The following CRISPLD2 variants were observed in gnomAD, a reference collection of about 807,000 sequenced individuals.
The protein encoded by CRISPLD2 is cysteine rich secretory protein LCCL domain containing 2.
CRISPLD2 carries 47 observed loss-of-function variants against 71.1 expected under a neutral mutation model. The ratio of observed to expected loss-of-function variants is 0.66; its 90% confidence interval spans 0.52 to 0.84. CRISPLD2 has a LOEUF of 0.84. CRISPLD2 is among the 40% of genes least tolerant of loss of function. CRISPLD2 has a pLI of 0.00. For missense variants in CRISPLD2, 830 were observed against 651.1 expected (o/e 1.27, Z -2.99); for synonymous variants, 317 against 250.1 (o/e 1.27, Z -2.52).
At chr16:84,858,162 C>G (rs1917291331) in intron 6 of CRISPLD2, among the ~76,000 whole-genome samples, 1 of 152,308 alleles carries the variant, frequency 6.6e-6, no homozygotes, top group Admixed American at 6.5e-5. Flanking sequence ...AAACAGCATC[C>G]CTATCTGCCA....
intron 6 of CRISPLD2, among the ~76,000 whole-genome samples, chr16:84,856,607 C>T (rs1010930978): frequency 2.6e-5 from 4 of 152,124 alleles, no homozygotes; most frequent in Non-Finnish European, 4.4e-5. Flanking sequence ...AATTCCTGAA[C>T]TCGTGAATAT....
intron 6 of CRISPLD2, among the ~76,000 whole-genome samples, chr16:84,856,745 G>A (rs190315647): frequency 3.3e-4 from 50 of 152,284 alleles, no homozygotes; most frequent in Non-Finnish European, 2.5e-4. Context: ...ACTTCAAAAG[G>A]CCATTCCACT....
chr16:84,889,196 G>C (rs376804438), intron 13 of CRISPLD2, 34 bp from the exon 14 acceptor site: 1 of 1,613,388 alleles, frequency 6.2e-7, no homozygotes, highest in Non-Finnish European at 8.5e-7. Context: ...GCTGGAATCC[G>C]CATCGCTGAT....
chr16:84,883,563 G>A (rs368380944), intron 13 of CRISPLD2, among the ~76,000 whole-genome samples: 15 of 152,312 alleles, frequency 9.8e-5, no homozygotes, highest in Admixed American at 5.2e-4. Flanking sequence ...CCACCCCCGC[G>A]CCTGCCTGAG....
At chr16:84,865,953 G>A (rs1917523538) in intron 6 of CRISPLD2, among the ~76,000 whole-genome samples, 1 of 152,228 alleles carries the variant, frequency 6.6e-6, no homozygotes, top group African/African-American at 2.4e-5. Flanking sequence ...CTTTCGGATA[G>A]TTGGATAGTT....
chr16:84,869,752 C>T (rs766835406), intron 8 of CRISPLD2, among the ~76,000 whole-genome samples: 1 of 152,276 alleles, frequency 6.6e-6, no homozygotes, highest in East Asian at 1.9e-4. Flanking sequence ...GGGCCTCCGC[C>T]GTGTGCACTG....
At chr16:84,880,337 T>G (rs529989101) in intron 12 of CRISPLD2, among the ~76,000 whole-genome samples, 172 bp from the exon 13 acceptor site, 1 of 152,308 alleles carries the variant, frequency 6.6e-6, no homozygotes, top group African/African-American at 2.4e-5. Flanking sequence ...AGTAATATCT[T>G]TACCTCTGCT....
At chr16:84,856,979 G>T (rs1022906331) in intron 6 of CRISPLD2, among the ~76,000 whole-genome samples, 2 of 152,364 alleles carry the variant, frequency 1.3e-5, no homozygotes, top group East Asian at 3.9e-4. Flanking sequence ...TGTATCCAGA[G>T]TAAGCATGTG....
chr16:84,838,685 A>G lies in CRISPLD2; in HGVS notation c.190A>G (p.Asn64Asp). The G allele has an allele frequency of 6.2e-7, 1 of 1,614,148 alleles. No individual in the cohort carries two copies. Among genetic ancestry groups the G allele is most frequent in the Non-Finnish European group, 8.5e-7 (1 of 1,180,034 alleles). Residue 64 changes from asparagine to aspartate, a missense_variant, in exon 2 of 15, where the codon AAC (asparagine) becomes GAC (aspartate). Physicochemically the swap from Asn to Asp is conservative, Grantham distance 23. Transcript: ENST00000262424. ...CAAGGAGGAGATCCTCATGCTGCAC[A>G]ACAAGCTTCGGGGCCAGGTGCAGCC... ...EDKEEILMLH[N>D]KLRGQVQPQA...
intron 8 of CRISPLD2, among the ~76,000 whole-genome samples, chr16:84,869,164 C>T (rs540583150): frequency 1.3e-5 from 2 of 152,172 alleles, no homozygotes; most frequent in Non-Finnish European, 2.9e-5. Flanking sequence ...GACAGATGGG[C>T]CACCGGTATA....
In CRISPLD2 at chr16:84,889,072, C is replaced by T. The variant is rs141345289; in HGVS notation, c.1306-158C>T. Among the ~76,000 whole-genome samples the T allele has an allele frequency of 2.6e-5, 4 of 152,264 alleles. No individual in the cohort carries two copies. The East Asian group carries it at 7.7e-4, about 29-fold the overall frequency. On this transcript the variant is annotated intron_variant, in intron 13 of 14. Coordinates refer to ENST00000262424, the MANE Select transcript of CRISPLD2 (RefSeq NM_031476.4). The stretch of plus-strand genomic sequence containing the variant: ...ATGATGTCCAGTCTCTCTGGAGAGA[C>T]CCCCAAGGCATCAAGGTAGTGATGA...
chr16:84,859,754 C>G (rs76915249), intron 6 of CRISPLD2, among the ~76,000 whole-genome samples: 4 of 152,234 alleles, frequency 2.6e-5, no homozygotes, highest in Non-Finnish European at 4.4e-5. Context: ...GGACTCTACA[C>G]GAGCCAGACT....
chr16:84,845,884 C>T lies in CRISPLD2; in HGVS notation c.339C>T (p.Asn113=), dbSNP rs373577259. Residue 113 remains asparagine, a synonymous_variant, in exon 3 of 15, where the codon AAC becomes AAT. Coordinates refer to ENST00000262424, the MANE Select transcript of CRISPLD2 (RefSeq NM_031476.4). ...PTSLLVSIGQ[N]LGAHWGRYRS... ...GTCTGCTGGTGTCCATCGGGCAGAA[C>T]CTGGGCGCTCACTGGGGCAGGTAAG... 38 of 1,613,052 alleles carry T rather than the reference C, an allele frequency of 2.4e-5. No homozygotes were observed. In the African/African-American group the frequency reaches 4.1e-4, roughly 18 times the overall value.
At chr16:84,835,380 C>T (rs542086317) in intron 1 of CRISPLD2, among the ~76,000 whole-genome samples, 21 of 152,290 alleles carry the variant, frequency 1.4e-4, no homozygotes, top group Middle Eastern at 3.4e-3. Flanking sequence ...CCACCATGCC[C>T]GGCCTATGGT....
chr16:84,860,436 C>T (rs1010439056), intron 6 of CRISPLD2, among the ~76,000 whole-genome samples: 9 of 152,140 alleles, frequency 5.9e-5, no homozygotes, highest in Admixed American at 2.0e-4. Context: ...TCTAGCAGCC[C>T]GCCAGGACTT....
chr16:84,829,035 A>G (rs1293490886), intron 1 of CRISPLD2: 3 of 152,020 alleles, frequency 2.0e-5, no homozygotes, highest in Non-Finnish European at 4.4e-5. Context: ...AGATCTTACC[A>G]CTGCACTCCA....
chr16:84,845,116 A>G (rs1211773880), intron 2 of CRISPLD2, among the ~76,000 whole-genome samples: 3 of 152,340 alleles, frequency 2.0e-5, no homozygotes, highest in African/African-American at 7.2e-5. Context: ...CTCAGGGTCC[A>G]AGGTCCTGAA....
At chr16:84,888,346 C>A (rs2143341655) in intron 13 of CRISPLD2, among the ~76,000 whole-genome samples, 1 of 152,332 alleles carries the variant, frequency 6.6e-6, no homozygotes, top group South Asian at 2.1e-4. Flanking sequence ...CCAGCGTGAG[C>A]AACACAGCGA....
intron 3 of CRISPLD2, among the ~76,000 whole-genome samples, chr16:84,847,694 T>A (rs1337478423): frequency 6.6e-6 from 1 of 152,044 alleles, no homozygotes; most frequent in Non-Finnish European, 1.5e-5. Flanking sequence ...GTGAAGTGTC[T>A]AAAGCAGGGA....
Sources: gnomAD v4.1 joint callset for allele counts (sites outside exome capture counted in the v4.1 genomes callset) on GRCh38, gnomAD v4.1.1 for gene constraint, MANE v1.5 for transcripts, NCBI Gene and HGNC (gene_info 2026-07-23, HGNC 2026-07-21) for gene names.